TTC23L: variants seen among roughly 807,000 people sequenced by gnomAD.
The protein encoded by TTC23L is tetratricopeptide repeat protein 23-like.
A neutral mutation model predicts 48.1 loss-of-function variants in TTC23L; 42 were observed. The ratio of observed to expected loss-of-function variants is 0.87; its 90% CI spans 0.68 to 1.13. The LOEUF is 1.13. Ranked by LOEUF, TTC23L falls within the 50% of genes most tolerant of loss-of-function variation. The probability of loss-of-function intolerance (pLI) is 0.00; values close to 1 mark genes in which losing one functional copy is unlikely to be tolerated. For missense variants in TTC23L, 391 were observed against 421.0 expected (o/e 0.93, Z 0.62); for synonymous variants, 159 against 157.2 (o/e 1.01, Z -0.09).
At chr5:34,914,745 TG>T in the TTC23L span, 1 of 1,614,264 alleles carries the variant, frequency 6.2e-7, no homozygotes, top group Non-Finnish European at 8.5e-7. Context: ...ACTGTTACTT[TG>T]ATACCATTTT....
exon 2 of TTC23L, chr5:34,840,681 A>G (rs1353911104): frequency 6.2e-7 from 1 of 1,613,856 alleles, no homozygotes; most frequent in African/African-American, 1.3e-5. Context: ...GATGCAAGCC[A>G]GCCCCATCCG....
chr5:34,921,942 A>C, the TTC23L span: 1 of 202,228 alleles, frequency 4.9e-6, no homozygotes, highest in Non-Finnish European at 9.8e-6. Context: ...GGAGGTTTCC[A>C]GTAATCAGAA....
the TTC23L span, chr5:34,914,711 G>C: frequency 6.2e-7 from 1 of 1,614,196 alleles, no homozygotes; most frequent in Non-Finnish European, 8.5e-7. Flanking sequence ...AAAAGCATTT[G>C]CTTGCACACA....
the TTC23L span, chr5:34,913,746 C>T: frequency 3.4e-6 from 2 of 583,640 alleles, no homozygotes; most frequent in Non-Finnish European, 6.1e-6. Flanking sequence ...TTGAAGCATC[C>T]TTATCTCCAT....
At chr5:34,866,091 T>C (rs945800514) in intron 6 of TTC23L, among the ~76,000 whole-genome samples, 4 of 152,206 alleles carry the variant, frequency 2.6e-5, no homozygotes, top group African/African-American at 9.7e-5. Context: ...TTGCTGTCTC[T>C]GGAAAGATAA....
the TTC23L span, among the ~76,000 whole-genome samples, chr5:34,904,703 T>C: frequency 2.6e-5 from 4 of 152,188 alleles, no homozygotes; most frequent in Non-Finnish European, 4.4e-5. Context: ...TAAGGCAGGC[T>C]TGACAATATT....
At chr5:34,879,721 G>GCCT (rs1762089014) in intron 8 of TTC23L, among the ~76,000 whole-genome samples, 1 of 152,104 alleles carries the variant, frequency 6.6e-6, no homozygotes, top group African/African-American at 2.4e-5. Context: ...TTTAGGGCTC[G>GCCT]GTGCGGTGGC....
intron 3 of TTC23L, among the ~76,000 whole-genome samples, chr5:34,846,061 G>A (rs1323536555): frequency 6.6e-6 from 1 of 152,138 alleles, no homozygotes; most frequent in Non-Finnish European, 1.5e-5. Context: ...GAGGGAGCCT[G>A]TAGTCCCATC....
chr5:34,917,589 G>A, the TTC23L span, among the ~76,000 whole-genome samples: 11 of 152,064 alleles, frequency 7.2e-5, no homozygotes, highest in Non-Finnish European at 1.2e-4. Flanking sequence ...GCAGTGAGCC[G>A]AGATCGCGCC....
At chr5:34,840,767 A>G in intron 2 of TTC23L, 28 bp downstream of exon 2, 2 of 1,603,020 alleles carry the variant, frequency 1.2e-6, no homozygotes, top group Non-Finnish European at 1.7e-6. Flanking sequence ...TTGACATCAC[A>G]GGTACTTACT....
rs762763569 is a variant in TTC23L, at chr5:34,850,165, A to C, written c.256-20A>C. On this transcript the variant is annotated intron_variant, in intron 3 of 10. Coordinates refer to ENST00000505624, the Ensembl canonical transcript of TTC23L. Reference sequence around the variant, plus strand: ...CTTCTCTTCCTTTCCAAAAAGTATAATCACTTCTGTACTCTACAGAATACT... The same window carrying C: ...CTTCTCTTCCTTTCCAAAAAGTATACTCACTTCTGTACTCTACAGAATACT... 4 of 1,613,192 alleles carry C rather than the reference A, an allele frequency of 2.5e-6. No homozygotes were observed. Among genetic ancestry groups the C allele is most frequent in the Non-Finnish European group, 2.5e-6 (3 of 1,179,390 alleles).
chr5:34,876,392 C>G (rs1761831403), intron 8 of TTC23L, among the ~76,000 whole-genome samples: 1 of 150,490 alleles, frequency 6.6e-6, no homozygotes. Context: ...AGACAGGACA[C>G]AAATTACCAT....
the TTC23L span, chr5:34,908,034 A>C: frequency 3.3e-5 from 5 of 152,240 alleles, no homozygotes. Context: ...CGGGCACAAC[A>C]CTTTGAGAAC....
chr5:34,846,666 TATGTG>T (rs1239908295), intron 3 of TTC23L, among the ~76,000 whole-genome samples: 5 of 61,802 alleles, frequency 8.1e-5, no homozygotes, highest in South Asian at 1.9e-3. Context: ...TATATGTGTG[TATGTG>T]TGTGTGTGTG....
the TTC23L span, chr5:34,914,908 C>T: frequency 6.2e-7 from 1 of 1,613,766 alleles, no homozygotes; most frequent in Non-Finnish European, 8.5e-7. Flanking sequence ...ACTGCGCATT[C>T]GGCCCCGAGG....
intron 9 of TTC23L, among the ~76,000 whole-genome samples, chr5:34,885,312 A>C (rs1315834668): frequency 6.6e-6 from 1 of 152,256 alleles, no homozygotes; most frequent in Non-Finnish European, 1.5e-5. Flanking sequence ...AAAGAACATT[A>C]CTGGAACAAT....
chr5:34,919,299 A>G, the TTC23L span, among the ~76,000 whole-genome samples: 1 of 149,750 alleles, frequency 6.7e-6, no homozygotes, highest in Non-Finnish European at 1.5e-5. Context: ...AAAAAAAAAA[A>G]AGTTTGGAAC....
chr5:34,861,930 G>A (rs1760696575), intron 4 of TTC23L, among the ~76,000 whole-genome samples: 2 of 152,130 alleles, frequency 1.3e-5, no homozygotes, highest in African/African-American at 4.8e-5. Context: ...AAGTGCCCAG[G>A]AACACCAGCA....
chr5:34,878,932 C>T (rs749253320), intron 8 of TTC23L, among the ~76,000 whole-genome samples: 1 of 152,124 alleles, frequency 6.6e-6, no homozygotes, highest in East Asian at 1.9e-4. Flanking sequence ...GTAAAGATAA[C>T]AGAATCAGTC....
Sources: gnomAD v4.1 joint callset for allele counts (sites outside exome capture counted in the v4.1 genomes callset) on GRCh38, gnomAD v4.1.1 for gene constraint, MANE v1.5 for transcripts, NCBI Gene and HGNC (gene_info 2026-07-23, HGNC 2026-07-21) for gene names.